The following DCLK1 variants were observed in gnomAD, a reference collection of about 807,000 sequenced individuals.
The protein encoded by DCLK1 is serine/threonine-protein kinase DCLK1.
DCLK1 carries 16 observed loss-of-function variants against 86.2 expected under a neutral mutation model. That is an observed-to-expected ratio of 0.19 (90% confidence interval 0.13 to 0.28). The LOEUF is 0.28. Among genes scored for constraint, DCLK1 ranks in the 10% least tolerant of loss-of-function variants. The pLI is 1.00. For missense variants in DCLK1, 590 were observed against 940.2 expected (o/e 0.63, Z 4.87); for synonymous variants, 369 against 370.5 (o/e 1.00, Z 0.05).
At chr13:35,922,094 C>T (rs746286116) in intron 4 of DCLK1, among the ~76,000 whole-genome samples, 57 of 152,228 alleles carry the variant, frequency 3.7e-4, no homozygotes, top group Middle Eastern at 3.4e-3. Flanking sequence ...ATAGGTAGGG[C>T]GGTTTTTGTT....
intron 4 of DCLK1, among the ~76,000 whole-genome samples, chr13:35,918,386 A>T (rs985483979): frequency 8.5e-5 from 13 of 152,190 alleles, no homozygotes; most frequent in African/African-American, 2.4e-4. Context: ...GTGGGGAGTT[A>T]TGTGGGGTAG....
In DCLK1 at chr13:35,773,709, A is replaced by C. The variant is rs2086372006; in HGVS notation, c.*826T>G. On this transcript the variant is annotated 3_prime_UTR_variant, in exon 17 of 17. Coordinates refer to ENST00000360631, the MANE Select transcript of DCLK1 (RefSeq NM_001330071.2). ...GTTGTTTCTTTCCTGTAGATGTCTG[A>C]CACTGAGTAGAGAGACCCTCACTCA... The C allele has an allele frequency of 6.6e-6, 1 of 152,502 alleles. No individual in the cohort carries two copies. Among genetic ancestry groups the C allele is most frequent in the African/African-American group, 2.4e-5 (1 of 41,400 alleles). The allele number at this position is 152,502 out of a possible 1,614,324, so 9.4% of individuals were successfully genotyped here. A position where few individuals can be genotyped will look rare whatever the true frequency, so the allele number is the denominator to read the frequency against.
chr13:35,944,332 C>A (rs1028354773), intron 4 of DCLK1, among the ~76,000 whole-genome samples: 1 of 152,170 alleles, frequency 6.6e-6, no homozygotes, highest in Non-Finnish European at 1.5e-5. Flanking sequence ...CACAGCCCTG[C>A]GCAGGGCAAG....
chr13:35,978,203 C>CTTTTTTTTTTTTTTTTTTTTTTT (rs11311688), intron 3 of DCLK1, among the ~76,000 whole-genome samples: 57 of 82,752 alleles, frequency 6.9e-4, no homozygotes, highest in Non-Finnish European at 9.1e-4. Context: ...CTTTTCTTTT[C>CTTTTTTTTTTTTTTTTTTTTTTT]TTTTTTTTTT....
intron 3 of DCLK1, among the ~76,000 whole-genome samples, chr13:35,997,520 T>C (rs1344839388): frequency 6.6e-6 from 1 of 152,200 alleles, no homozygotes; most frequent in Non-Finnish European, 1.5e-5. Context: ...AAACAGCCAA[T>C]CACATGTTTA....
At chr13:35,971,532 G>A (rs765777409) in intron 3 of DCLK1, among the ~76,000 whole-genome samples, 2 of 152,178 alleles carry the variant, frequency 1.3e-5, no homozygotes, top group Non-Finnish European at 2.9e-5. Context: ...GGAGGCTGAG[G>A]CGAGTGGATC....
chr13:35,840,304 T>G (rs1279244273), intron 6 of DCLK1, among the ~76,000 whole-genome samples: 1 of 152,212 alleles, frequency 6.6e-6, no homozygotes, highest in African/African-American at 2.4e-5. Context: ...TACAGTATCC[T>G]GCATAGGAGA....
intron 6 of DCLK1, among the ~76,000 whole-genome samples, chr13:35,852,429 A>G (rs1279997037): frequency 6.6e-6 from 1 of 152,200 alleles, no homozygotes; most frequent in Non-Finnish European, 1.5e-5. Flanking sequence ...AAATGGAACC[A>G]TCTTAGAATA....
intron 3 of DCLK1, among the ~76,000 whole-genome samples, chr13:36,109,132 G>A (rs897132210): frequency 6.6e-6 from 1 of 152,186 alleles, no homozygotes; most frequent in African/African-American, 2.4e-5. Flanking sequence ...AAGTCTTTAT[G>A]TTCTTTCCAC....
At chr13:36,039,108 T>C (rs1882611770) in intron 3 of DCLK1, among the ~76,000 whole-genome samples, 1 of 152,150 alleles carries the variant, frequency 6.6e-6, no homozygotes, top group South Asian at 2.1e-4. Flanking sequence ...GAAGATGCAG[T>C]TTTCAAATTT....
At chr13:35,875,208 G>A (rs754201959) in intron 4 of DCLK1, among the ~76,000 whole-genome samples, 1 of 152,188 alleles carries the variant, frequency 6.6e-6, no homozygotes, top group Non-Finnish European at 1.5e-5. Flanking sequence ...ATGATCATGA[G>A]GGCAGATGAC....
At chr13:35,792,349 T>C (rs1432972252) in intron 16 of DCLK1, among the ~76,000 whole-genome samples, 4 of 152,012 alleles carry the variant, frequency 2.6e-5, no homozygotes, top group African/African-American at 9.7e-5. Context: ...ATCAAACAGA[T>C]CACTTGTTTA....
At chr13:36,063,224 G>C (rs534890718) in intron 3 of DCLK1, among the ~76,000 whole-genome samples, 3 of 152,198 alleles carry the variant, frequency 2.0e-5, no homozygotes, top group Admixed American at 2.0e-4. Context: ...AGTGCCTTTG[G>C]GTTTGCCTTT....
At chr13:36,055,504 C>A (rs540325477) in intron 3 of DCLK1, among the ~76,000 whole-genome samples, 2 of 152,242 alleles carry the variant, frequency 1.3e-5, no homozygotes, top group South Asian at 4.1e-4. Context: ...ATTTTTCATT[C>A]CTTTTGGAGA....
intron 4 of DCLK1, among the ~76,000 whole-genome samples, chr13:35,879,066 A>G (rs1055606737): frequency 1.3e-5 from 2 of 152,152 alleles, no homozygotes; most frequent in Non-Finnish European, 2.9e-5. Context: ...GATTATAGGC[A>G]TGGCCACCAC....
chr13:36,100,885 G>C (rs1003934040), intron 3 of DCLK1, among the ~76,000 whole-genome samples: 4 of 152,220 alleles, frequency 2.6e-5, no homozygotes, highest in African/African-American at 9.6e-5. Context: ...CAGTACGTAA[G>C]ACTGTTGGCC....
chr13:35,853,735 A>ACCTTG (rs1345131201), intron 6 of DCLK1, among the ~76,000 whole-genome samples: 12 of 151,736 alleles, frequency 7.9e-5, no homozygotes, highest in Admixed American at 6.6e-4. Context: ...CATTCCCCCC[A>ACCTTG]CCTTGCGTCT....
chr13:35,962,033 G>A (rs1878489092), intron 3 of DCLK1, among the ~76,000 whole-genome samples: 2 of 152,192 alleles, frequency 1.3e-5, no homozygotes, highest in Admixed American at 6.5e-5. Context: ...GCCCTTCAGT[G>A]TCCAAACACA....
chr13:35,922,563 G>A (rs1394531065), intron 4 of DCLK1, among the ~76,000 whole-genome samples: 1 of 152,188 alleles, frequency 6.6e-6, no homozygotes, highest in Admixed American at 6.5e-5. Context: ...TGTGAGGATT[G>A]TAGGCAATAG....
Sources: gnomAD v4.1 joint callset for allele counts (sites outside exome capture counted in the v4.1 genomes callset) on GRCh38, gnomAD v4.1.1 for gene constraint, MANE v1.5 for transcripts, NCBI Gene and HGNC (gene_info 2026-07-23, HGNC 2026-07-21) for gene names.